The following GPM6A variants were observed in gnomAD, a reference collection of about 807,000 sequenced individuals.
GPM6A encodes glycoprotein M6A, also known as neuronal membrane glycoprotein M6-a.
In GPM6A, 7 loss-of-function variants were observed where a neutral mutation model predicts 32.1. The ratio of observed to expected loss-of-function variants is 0.22; its 90% CI spans 0.12 to 0.41. GPM6A has a LOEUF of 0.41. GPM6A is among the 10% of genes least tolerant of loss of function. The probability of loss-of-function intolerance (pLI) is 1.00; values close to 1 mark genes in which losing one functional copy is unlikely to be tolerated. For missense variants in GPM6A, 235 were observed against 347.2 expected, an observed-to-expected ratio of 0.68 and a Z score of 2.57; for synonymous variants, 130 against 123.4, an observed-to-expected ratio of 1.05 and a Z score of -0.35.
chr4:175,644,184 C>T (rs924709992), intron 4 of GPM6A, among the ~76,000 whole-genome samples: 4 of 133,788 alleles, frequency 3.0e-5, no homozygotes, highest in East Asian at 2.6e-4. Context: ...ACTGCAGTGG[C>T]GCTATCTCGG....
chr4:175,702,722 G>T (rs147346159), intron 1 of GPM6A, among the ~76,000 whole-genome samples: 1 of 152,220 alleles, frequency 6.6e-6, no homozygotes, highest in East Asian at 1.9e-4. Context: ...TCACCATATT[G>T]GTCAGGCTGG....
chr4:175,738,692 G>A (rs1280006849), intron 1 of GPM6A, among the ~76,000 whole-genome samples: 2 of 152,032 alleles, frequency 1.3e-5, no homozygotes, highest in African/African-American at 2.4e-5. Context: ...TCTAAGCTTT[G>A]ATAAACAAAA....
At chr4:175,701,475 A>G (rs1579401535) in intron 2 of GPM6A, 100 bp downstream of exon 2, 3 of 824,008 alleles carry the variant, frequency 3.6e-6, no homozygotes, top group East Asian at 4.9e-5. Flanking sequence ...GCTGTTTCAT[A>G]TATATTATCA....
intron 1 of GPM6A, among the ~76,000 whole-genome samples, chr4:175,841,661 T>C (rs1366278272): frequency 6.6e-6 from 1 of 152,172 alleles, no homozygotes; most frequent in Non-Finnish European, 1.5e-5. Context: ...TAAAACATTT[T>C]CAATAAAAGG....
At position 175,721,336 on chromosome 4, in the gene GPM6A, T is replaced by G. The variant is rs574346176; in HGVS notation, c.38-19569A>C. Among the ~76,000 whole-genome samples, 7 of 150,080 alleles carry G rather than the reference T, an allele frequency of 4.7e-5. No individual in the cohort carries two copies. In the East Asian group the frequency reaches 1.4e-3, roughly 29 times the overall value. ...ACTAAAAATACAAAAATTAGCCGAG[T>G]GTGGTGGTGCATGCCTGTAGTCCCA... On this transcript the variant is annotated intron_variant, in intron 1 of 6. Coordinates refer to ENST00000393658, the MANE Select transcript of GPM6A (RefSeq NM_201591.3).
At chr4:175,675,359 C>T (rs1185760873) in intron 2 of GPM6A, among the ~76,000 whole-genome samples, 2 of 151,728 alleles carry the variant, frequency 1.3e-5, no homozygotes, top group East Asian at 3.9e-4. Flanking sequence ...CAACTGAATG[C>T]TATGCAATAG....
At chr4:175,875,006 G>T (rs1210959295) in intron 1 of GPM6A, among the ~76,000 whole-genome samples, 1 of 152,150 alleles carries the variant, frequency 6.6e-6, no homozygotes, top group African/African-American at 2.4e-5. Context: ...AAATCTATGT[G>T]CCTGCCTCCA....
intron 2 of GPM6A, among the ~76,000 whole-genome samples, chr4:175,674,690 T>G (rs1319700181): frequency 2.0e-5 from 3 of 152,224 alleles, no homozygotes; most frequent in Non-Finnish European, 2.9e-5. Context: ...TATTTTGTAC[T>G]CATCATACAC....
intron 1 of GPM6A, among the ~76,000 whole-genome samples, chr4:175,808,045 T>C (rs913748068): frequency 3.3e-5 from 5 of 152,176 alleles, no homozygotes; most frequent in Admixed American, 1.3e-4. Context: ...GCAGTATAGG[T>C]TGGCCAATAT....
chr4:175,826,225 T>G (rs548135396), intron 1 of GPM6A, among the ~76,000 whole-genome samples: 1 of 151,924 alleles, frequency 6.6e-6, no homozygotes, highest in Non-Finnish European at 1.5e-5. Flanking sequence ...TGGCCACTGA[T>G]CCGTACCATA....
intron 1 of GPM6A, among the ~76,000 whole-genome samples, chr4:175,806,557 C>A (rs927052624): frequency 1.3e-5 from 2 of 152,160 alleles, no homozygotes; most frequent in Non-Finnish European, 2.9e-5. Flanking sequence ...TAATTAGCAA[C>A]TGATCCAAGG....
intron 1 of GPM6A, among the ~76,000 whole-genome samples, chr4:175,928,216 A>G (rs976860115): frequency 9.9e-5 from 15 of 152,190 alleles, no homozygotes; most frequent in African/African-American, 3.6e-4. Context: ...TATTGCAAAA[A>G]TGTTTACAGA....
chr4:175,982,076 T>C (rs1740836385), intron 1 of GPM6A, among the ~76,000 whole-genome samples: 1 of 152,166 alleles, frequency 6.6e-6, no homozygotes, highest in Non-Finnish European at 1.5e-5. Context: ...GAAGTGTCTA[T>C]GTAAGTTGTT....
chr4:175,800,558 A>G (rs1345813628), intron 1 of GPM6A, among the ~76,000 whole-genome samples: 3 of 152,328 alleles, frequency 2.0e-5, no homozygotes, highest in Non-Finnish European at 4.4e-5. Flanking sequence ...AGCTAAAATT[A>G]TATACCTACA....
intron 1 of GPM6A, among the ~76,000 whole-genome samples, chr4:175,729,351 GT>G (rs1387238051): frequency 2.0e-5 from 3 of 152,058 alleles, no homozygotes; most frequent in Admixed American, 2.0e-4. Flanking sequence ...TCTCTCCCCG[GT>G]GGCAAGTACA....
intron 3 of GPM6A, among the ~76,000 whole-genome samples, chr4:175,666,991 C>T (rs1486046015): frequency 6.6e-6 from 1 of 151,964 alleles, no homozygotes; most frequent in East Asian, 1.9e-4. Flanking sequence ...GAGATATTTC[C>T]CTAAACTTTT....
At chr4:175,744,524 T>C (rs931529680) in intron 1 of GPM6A, among the ~76,000 whole-genome samples, 1 of 152,092 alleles carries the variant, frequency 6.6e-6, no homozygotes, top group African/African-American at 2.4e-5. Context: ...AATTTAAAAA[T>C]ATCTAATGCT....
intron 1 of GPM6A, among the ~76,000 whole-genome samples, chr4:175,735,601 C>A (rs560933494): frequency 2.6e-5 from 4 of 151,746 alleles, no homozygotes; most frequent in Non-Finnish European, 5.9e-5. Flanking sequence ...GCTCTGTCAC[C>A]CAGGCTGGAG....
At chr4:175,954,795 A>G (rs1268102784) in intron 1 of GPM6A, among the ~76,000 whole-genome samples, 1 of 152,186 alleles carries the variant, frequency 6.6e-6, no homozygotes, top group Non-Finnish European at 1.5e-5. Context: ...TTTTCTACAT[A>G]TCTAGGGCAA....
Sources: allele counts gnomAD v4.1 joint callset (sites outside exome capture counted in the v4.1 genomes callset), GRCh38; gene constraint gnomAD v4.1.1; transcripts MANE v1.5; gene names NCBI Gene and HGNC (gene_info 2026-07-23, HGNC 2026-07-21).